The following SFI1 variants were observed in gnomAD, a reference collection of about 807,000 sequenced individuals.
SFI1 encodes SFI1 centrin binding protein, also known as protein SFI1 homolog.
In SFI1, 195 loss-of-function variants were observed where a neutral mutation model predicts 207.5. The ratio of observed to expected loss-of-function variants is 0.94; its 90% CI spans 0.84 to 1.06. SFI1 has a LOEUF of 1.06. Among genes scored for constraint, SFI1 ranks in the 50% least tolerant of loss-of-function variants. The probability of loss-of-function intolerance (pLI) is 0.00; values close to 1 mark genes in which losing one functional copy is unlikely to be tolerated. For synonymous variants in SFI1, 630 were observed against 598.9 expected (o/e 1.05, Z -0.76); for missense variants, 1,634 against 1,588.0 (o/e 1.03, Z -0.49).
At chr22:31,550,059 G>A (rs1205341828) in intron 5 of SFI1, among the ~76,000 whole-genome samples, 195 bp from the exon 6 acceptor site, 1 of 152,030 alleles carries the variant, frequency 6.6e-6, no homozygotes, top group African/African-American at 2.4e-5. Flanking sequence ...AGCCTCCGGA[G>A]TAGGTGGGAT....
intron 8 of SFI1, among the ~76,000 whole-genome samples, chr22:31,568,531 C>CAAAAAAAAAAAAAAAAAAAAAAA (rs60447566): frequency 2.7e-5 from 1 of 37,432 alleles, no homozygotes; most frequent in Non-Finnish European, 5.0e-5. Context: ...GACCCTGTCT[C>CAAAAAAAAAAAAAAAAAAAAAAA]AAAAAAAAAA....
intron 8 of SFI1, among the ~76,000 whole-genome samples, chr22:31,568,226 A>AT (rs373038766): frequency 0.036 from 4,040 of 111,928 alleles, 88 homozygotes; most frequent in African/African-American, 0.056. Flanking sequence ...ATATATATAT[A>AT]TTTTTTTTTT....
At chr22:31,554,517 C>A (rs776537458) in intron 6 of SFI1, among the ~76,000 whole-genome samples, 7 of 151,494 alleles carry the variant, frequency 4.6e-5, no homozygotes, top group Non-Finnish European at 8.8e-5. Context: ...ACAGTGTTAG[C>A]CAGGATGGTC....
intron 4 of SFI1, among the ~76,000 whole-genome samples, chr22:31,545,832 G>C (rs1441231911): frequency 6.7e-6 from 1 of 148,604 alleles, no homozygotes; most frequent in Non-Finnish European, 1.5e-5. Flanking sequence ...ACCTGCCTCG[G>C]CCTCCCAAAG....
chr22:31,611,790 C>G lies in SFI1; in HGVS notation c.2440C>G (p.Leu814Val). Residue 814 changes from leucine to valine, a missense_variant, in exon 24 of 33, where the codon CTG becomes GTG. Physicochemically the swap from Leu to Val is conservative, Grantham distance 32. Transcript: ENST00000400288. ...KRLLHRQSTQ[L>V]LAQRLSRTCF... Reference sequence around the variant, plus strand: ...GCTCCTGCACAGGCAGAGCACCCAACTGCTGGCACAGAGACTCAGCCGGAC... The same window carrying G: ...GCTCCTGCACAGGCAGAGCACCCAAGTGCTGGCACAGAGACTCAGCCGGAC... 6.2e-7 allele frequency: 1 copy of G among 1,613,858 alleles called. No homozygotes were observed. Among genetic ancestry groups the G allele is most frequent in the Non-Finnish European group, 8.5e-7 (1 of 1,179,982 alleles).
intron 8 of SFI1, 49 bp downstream of exon 8, chr22:31,561,441 G>A: frequency 1.3e-6 from 2 of 1,524,360 alleles, no homozygotes; most frequent in Non-Finnish European, 1.8e-6. Context: ...GTGTTGTCAA[G>A]CCTCTCACCC....
At chr22:31,596,634 T>C (rs1279307300) in intron 15 of SFI1, among the ~76,000 whole-genome samples, 1 of 151,500 alleles carries the variant, frequency 6.6e-6, no homozygotes, top group Non-Finnish European at 1.5e-5. Flanking sequence ...CTACTAAAAA[T>C]ACAAAAATTG....
At chr22:31,618,587 G>GAT in exon 33 of SFI1, 1 of 608,634 alleles carries the variant, frequency 1.6e-6, no homozygotes, top group Non-Finnish European at 2.5e-6. Context: ...CTGTGCTACT[G>GAT]ATACAGTTGA....
intron 4 of SFI1, among the ~76,000 whole-genome samples, chr22:31,545,918 G>A (rs1362442247): frequency 7.1e-6 from 1 of 141,626 alleles, no homozygotes; most frequent in African/African-American, 2.6e-5. Flanking sequence ...TTTGAGACAG[G>A]CTCTTACTCT....
At chr22:31,529,033 A>C (rs2058212317) in intron 3 of SFI1, 170 bp downstream of exon 3, 1 of 576,356 alleles carries the variant, frequency 1.7e-6, no homozygotes, top group Non-Finnish European at 2.9e-6. Flanking sequence ...ACCTGCAGAC[A>C]TAAAATCTGT....
chr22:31,507,257 A>T (rs1031393535), intron 1 of SFI1, among the ~76,000 whole-genome samples: 14 of 152,214 alleles, frequency 9.2e-5, no homozygotes, highest in Admixed American at 8.5e-4. Context: ...CAATGGGGAA[A>T]GGAGTCCCTA....
chr22:31,580,467 T>C (rs28668581), intron 12 of SFI1, 103 bp downstream of exon 12: 2 of 790,496 alleles, frequency 2.5e-6, no homozygotes. Flanking sequence ...TTAAAAAAAC[T>C]TTTTGTGCTT....
At chr22:31,559,053 C>A (rs140681398) in intron 7 of SFI1, among the ~76,000 whole-genome samples, 1,527 of 151,928 alleles carry the variant, frequency 0.01, 7 homozygotes, top group Middle Eastern at 0.031. Flanking sequence ...ATGATCCACC[C>A]GCCTCGGCTT....
chr22:31,595,922 G>T (rs886724969), intron 15 of SFI1, among the ~76,000 whole-genome samples: 2 of 152,132 alleles, frequency 1.3e-5, no homozygotes, highest in African/African-American at 4.8e-5. Context: ...TGAGATGGAG[G>T]GGCATGCATT....
Position 31,545,584 on chromosome 22 carries a change from A to ATTTTATTTT in SFI1, c.339-1277_339-1276insTTTTATTTT, listed in dbSNP as rs1555984037. On this transcript the variant is annotated intron_variant, in intron 4 of 32. Coordinates refer to ENST00000400288, the MANE Select transcript of SFI1 (RefSeq NM_001007467.3). ...AATTTAATTTAATTTAATTTAATTT[A>ATTTTATTTT]ATTTTATTTTATTTTGAGACGAAGT... Among the ~76,000 whole-genome samples, 258 of 144,984 alleles carry ATTTTATTTT rather than the reference A, an allele frequency of 1.8e-3. 3 individuals are homozygous for ATTTTATTTT. Among genetic ancestry groups the ATTTTATTTT allele is most frequent in the South Asian group, 2.8e-3 (13 of 4,620 alleles).
Position 31,616,987 on chromosome 22 carries a change from T to G in SFI1, c.3434-13T>G. 6.2e-7 allele frequency: 1 copy of G among 1,614,032 alleles called. No individual in the cohort carries two copies. The highest frequency in any genetic ancestry group is 1.3e-5 in the African/African-American group (1 of 75,032). Reference sequence around the variant, plus strand: ...GAAAATAGTCTGAAACAAGCTTACTTCTGTCGCCATAGGCAGCCTGGACCT... The same window carrying G: ...GAAAATAGTCTGAAACAAGCTTACTGCTGTCGCCATAGGCAGCCTGGACCT... On this transcript the variant is annotated splice_polypyrimidine_tract_variant and intron_variant, in intron 30 of 32. Transcript: ENST00000400288.
At chr22:31,606,175 G>A (rs1426438320) in intron 20 of SFI1, 153 bp from the exon 21 acceptor site, 1 of 677,332 alleles carries the variant, frequency 1.5e-6, no homozygotes, top group African/African-American at 1.8e-5. Context: ...GGACATAGAT[G>A]TGCAAGTAAA....
Position 31,613,464 on chromosome 22 carries a change from G to T in SFI1, c.2676G>T (p.Arg892=). ...AGCTCCTCCAGGAGGGTGCCACGCG[G>T]CTCCTGCGCTTTGCAGCCAGCATGA... ...QGQLLQEGAT[R]LLRFAASMKA... is the part of the protein sequence containing the mutation. The change falls in exon 26 of 33, where the codon CGG becomes CGT. Residue 892 remains arginine, a synonymous_variant. Coordinates refer to ENST00000400288, the MANE Select transcript of SFI1 (RefSeq NM_001007467.3). The T allele has an allele frequency of 6.2e-7, 1 of 1,603,464 alleles. No individual in the cohort carries two copies. The highest frequency in any genetic ancestry group is 8.5e-7 in the Non-Finnish European group (1 of 1,178,544).
At chr22:31,611,637 T>G in intron 23 of SFI1, 129 bp from the exon 24 acceptor site, 1 of 959,572 alleles carries the variant, frequency 1.0e-6, no homozygotes, top group Non-Finnish European at 1.5e-6. Context: ...AGGAGACCCC[T>G]GGCACCATCC....
Sources: allele counts gnomAD v4.1 joint callset (sites outside exome capture counted in the v4.1 genomes callset), GRCh38; gene constraint gnomAD v4.1.1; transcripts MANE v1.5; gene names NCBI Gene and HGNC (gene_info 2026-07-23, HGNC 2026-07-21).